TNS1: variants seen among roughly 807,000 people sequenced by gnomAD.
TNS1 encodes the protein tensin-1.
Under a neutral mutation model 168.6 loss-of-function variants are expected in TNS1, and 62 were observed. The observed-to-expected ratio is 0.37, with a 90% CI of 0.30 to 0.45. TNS1 has a LOEUF of 0.45. TNS1 is among the 20% of genes least tolerant of loss of function. The pLI, the probability that TNS1 is intolerant of heterozygous loss-of-function variation, is 1.00. For synonymous variants in TNS1, 934 were observed against 933.2 expected, an observed-to-expected ratio of 1.00 and a Z score of -0.02; for missense variants, 2,240 against 2,339.4, an observed-to-expected ratio of 0.96 and a Z score of 0.88.
intron 19 of TNS1, among the ~76,000 whole-genome samples, chr2:217,839,034 G>T (rs1280721051): frequency 6.7e-6 from 1 of 149,428 alleles, no homozygotes; most frequent in African/African-American, 2.5e-5. Flanking sequence ...CAGGTGCCTT[G>T]CACAGACACA....
At chr2:217,958,646 G>A (rs1356211393) in intron 3 of TNS1, among the ~76,000 whole-genome samples, 1 of 152,210 alleles carries the variant, frequency 6.6e-6, no homozygotes, top group Non-Finnish European at 1.5e-5. Flanking sequence ...GAGAGGAGAA[G>A]CGACCTTCTC....
Position 217,848,222 on chromosome 2 carries a change from C to A in TNS1, c.2295G>T (p.Arg765=). The change falls in exon 19 of 33, where the codon CGG becomes CGT. Residue 765 remains arginine (R), a synonymous_variant. Coordinates refer to ENST00000682258, the MANE Select transcript of TNS1 (RefSeq NM_001387777.1). Reference sequence around the variant, plus strand: ...AATTCAGTCCCCTTTGCACAGCCTCCCGGCTGCTTCCCCCTCGGACCGGAG... The same window carrying A: ...AATTCAGTCCCCTTTGCACAGCCTCACGGCTGCTTCCCCCTCGGACCGGAG... ...PPAPVRGGSS[R]EAVQRGLNSW... is the part of the protein sequence containing the mutation. The A allele has an allele frequency of 1.3e-6, 2 of 1,582,080 alleles. No homozygotes were observed. Among genetic ancestry groups the A allele is most frequent in the South Asian group, 1.2e-5 (1 of 85,210 alleles).
chr2:217,978,970 G>A (rs1038950419), intron 2 of TNS1, 168 bp from the exon 3 acceptor site: 2 of 608,750 alleles, frequency 3.3e-6, no homozygotes, highest in African/African-American at 1.9e-5. Flanking sequence ...GAGGGGAGCG[G>A]CTGCCGGGCC....
chr2:218,010,688 C>T (rs1958698552), upstream of TNS1, among the ~76,000 whole-genome samples: 1 of 151,836 alleles, frequency 6.6e-6, no homozygotes, highest in Admixed American at 6.6e-5. Flanking sequence ...CCGCGGGAGC[C>T]GGGGCGGCGG....
intron 3 of TNS1, among the ~76,000 whole-genome samples, chr2:217,972,199 C>A (rs1009330868): frequency 6.6e-6 from 1 of 152,176 alleles, no homozygotes; most frequent in Admixed American, 6.5e-5. Flanking sequence ...GAAGCTGGGG[C>A]TCAGAGAGGT....
At chr2:218,030,533 C>T (rs770177533) in intron 1 of TNS1, among the ~76,000 whole-genome samples, 12 of 152,256 alleles carry the variant, frequency 7.9e-5, no homozygotes, top group Non-Finnish European at 1.3e-4. Context: ...CATGCCTGGC[C>T]TATAGCAGAT....
At chr2:217,831,791 C>T (rs1944461446) in intron 21 of TNS1, among the ~76,000 whole-genome samples, 1 of 152,164 alleles carries the variant, frequency 6.6e-6, no homozygotes, top group Non-Finnish European at 1.5e-5. Flanking sequence ...GCTCTGGCCC[C>T]AACCTTGAGA....
chr2:217,908,350 T>C (rs994175115), intron 4 of TNS1, among the ~76,000 whole-genome samples: 2 of 152,174 alleles, frequency 1.3e-5, no homozygotes, highest in East Asian at 3.9e-4. Context: ...AGGATTCTGA[T>C]CCACCGTTTC....
chr2:218,012,976 G>A (rs933494609), upstream of TNS1, among the ~76,000 whole-genome samples: 19 of 152,094 alleles, frequency 1.2e-4, no homozygotes, highest in Non-Finnish European at 2.2e-4. Flanking sequence ...GGCCATGCAC[G>A]GTGGCTCACA....
chr2:217,890,911 T>C (rs371868642), intron 12 of TNS1, 51 bp downstream of exon 12: 37 of 1,584,560 alleles, frequency 2.3e-5, no homozygotes, highest in Middle Eastern at 1.7e-4. Flanking sequence ...AGTCCCCACA[T>C]AGAGTGAGTG....
At chr2:218,022,178 G>C (rs1167122457) in intron 1 of TNS1, among the ~76,000 whole-genome samples, 1 of 152,016 alleles carries the variant, frequency 6.6e-6, no homozygotes, top group Non-Finnish European at 1.5e-5. Context: ...AGGAGAGGGA[G>C]AGGAGAGAAA....
At chr2:217,945,667 T>C (rs1332159371) in intron 3 of TNS1, among the ~76,000 whole-genome samples, 1 of 152,142 alleles carries the variant, frequency 6.6e-6, no homozygotes, top group Non-Finnish European at 1.5e-5. Context: ...GCAAGGATGG[T>C]GAAAGCAGAT....
At chr2:217,909,912 G>C (rs1954166823) in intron 4 of TNS1, among the ~76,000 whole-genome samples, 1 of 152,202 alleles carries the variant, frequency 6.6e-6, no homozygotes, top group African/African-American at 2.4e-5. Flanking sequence ...GGTTATTTTG[G>C]GGGGATCAAA....
Position 217,885,118 on chromosome 2 carries a change from A to G in TNS1, c.1163T>C (p.Ile388Thr). The G allele has an allele frequency of 6.2e-7, 1 of 1,614,238 alleles. No homozygotes were observed. Among genetic ancestry groups the G allele is most frequent in the Non-Finnish European group, 8.5e-7 (1 of 1,180,042 alleles). The change falls in exon 16 of 33, where the codon ATC becomes ACC. Residue 388 changes from isoleucine to threonine, a missense_variant. Around this residue, in one of 2 missense-constraint regions of TNS1, gnomAD observed 2,131 missense variants for 2,171.2 expected, o/e 0.98. Transcript: ENST00000682258. ...KKFRSPARDV[I>T]FRVQFHTCAI... ...ACAGGTGTGGAACTGCACACGGAAG[A>G]TGACGTCTCGGGCTGGGCTTCGGAA...
Position 217,813,938 on chromosome 2 carries a change from G to A in TNS1, c.4730-122C>T. On this transcript the variant is annotated intron_variant, in intron 25 of 32. Coordinates refer to ENST00000682258, the MANE Select transcript of TNS1 (RefSeq NM_001387777.1). The surrounding 1 kb of genome is among the most constrained non-coding windows in gnomAD (Gnocchi z 4.0). ...TTAGGTGAGACAAATTTTCTTTAAA[G>A]TTAAAATTTAACTACTCCTACGGGT... 7.8e-7 allele frequency: 1 copy of A among 1,276,672 alleles called. No individual in the cohort carries two copies. The highest frequency in any genetic ancestry group is 1.9e-5 in the South Asian group (1 of 53,938). 79.1% of individuals were successfully genotyped at this position (1,276,672 alleles called of 1,614,324 possible). A position where few individuals can be genotyped will look rare whatever the true frequency, so the allele number is the denominator to read the frequency against.
At chr2:218,021,728 C>T (rs904177440) in intron 1 of TNS1, among the ~76,000 whole-genome samples, 1 of 152,192 alleles carries the variant, frequency 6.6e-6, no homozygotes, top group African/African-American at 2.4e-5. Context: ...AGGGGGAAGG[C>T]CTCAGGGCCC....
chr2:217,859,246 T>A (rs1948555767), intron 18 of TNS1: 1 of 209,756 alleles, frequency 4.8e-6, no homozygotes, highest in Admixed American at 5.6e-5. Flanking sequence ...GTATTGAGAT[T>A]TATTTCCCCA....
In TNS1 at chr2:217,910,761, C is replaced by CACAA. The variant is rs1553608839; in HGVS notation, c.229-3511_229-3510insTTGT. Among the ~76,000 whole-genome samples, 13 of 146,700 alleles carry CACAA rather than the reference C, an allele frequency of 8.9e-5. No individual in the cohort carries two copies. In the East Asian group the frequency reaches 2.6e-3, roughly 29 times the overall value. ...ACACACACACACACACACACACACA[C>CACAA]AACCATCCTTGCATGCCACTCCTGG... On this transcript the variant is annotated intron_variant, in intron 4 of 32. Coordinates refer to ENST00000682258, the MANE Select transcript of TNS1 (RefSeq NM_001387777.1).
chr2:217,898,237 T>A (rs546401192), intron 7 of TNS1, among the ~76,000 whole-genome samples: 1 of 152,284 alleles, frequency 6.6e-6, no homozygotes, highest in South Asian at 2.1e-4. Flanking sequence ...CAATTCTTGG[T>A]TCCCATCAGT....
Sources: allele counts gnomAD v4.1 joint callset (sites outside exome capture counted in the v4.1 genomes callset), GRCh38; gene constraint gnomAD v4.1.1; regional missense constraint gnomAD v4.1.1; non-coding constraint Gnocchi (gnomAD v3.1); transcripts MANE v1.5; gene names NCBI Gene and HGNC (gene_info 2026-07-23, HGNC 2026-07-21).